Variants in TMEM63C observed in about 807,000 individuals in gnomAD.
TMEM63C encodes osmosensitive cation channel TMEM63C.
In TMEM63C, 32 loss-of-function variants were observed where a neutral mutation model predicts 99.2. The observed-to-expected ratio is 0.32, with a 90% CI of 0.24 to 0.43. The LOEUF is 0.43. Ranked by LOEUF, TMEM63C falls within the 20% of genes least tolerant of loss-of-function variation. TMEM63C has a pLI of 1.00. For missense variants in TMEM63C, 826 were observed against 1,053.0 expected (o/e 0.78, Z 2.98); for synonymous variants, 376 against 397.9 (o/e 0.94, Z 0.66).
At chr14:77,218,239 A>AG (rs112020982) in intron 2 of TMEM63C, among the ~76,000 whole-genome samples, 22,569 of 124,036 alleles carry the variant, frequency 0.18, 2,354 homozygotes, top group African/African-American at 0.3. Flanking sequence ...TTAAAAAAAA[A>AG]AGAGGGGGGT....
intron 1 of TMEM63C, chr14:77,196,027 A>G (rs2140093860): frequency 6.5e-6 from 1 of 153,410 alleles, no homozygotes; most frequent in African/African-American, 2.4e-5. Flanking sequence ...ACTGGGATGC[A>G]TGCCCGCCTG....
chr14:77,218,585 C>G (rs1033643528), intron 2 of TMEM63C, among the ~76,000 whole-genome samples: 1 of 152,218 alleles, frequency 6.6e-6, no homozygotes, highest in African/African-American at 2.4e-5. Context: ...GAAACGAGAA[C>G]CAGTCTGTCA....
intron 8 of TMEM63C, among the ~76,000 whole-genome samples, chr14:77,235,445 GC>G (rs200709965): frequency 0.073 from 2,495 of 34,358 alleles, 657 homozygotes; most frequent in Admixed American, 0.14. Flanking sequence ...CAGGGGGACT[GC>G]AGTGGGTGGG....
At chr14:77,194,403 A>G (rs1888168854) in intron 1 of TMEM63C, among the ~76,000 whole-genome samples, 1 of 150,416 alleles carries the variant, frequency 6.6e-6, no homozygotes, top group Admixed American at 6.6e-5. Flanking sequence ...TTTCTGAAAA[A>G]AATTCTCGAG....
chr14:77,229,244 A>G (rs7141425), intron 6 of TMEM63C, among the ~76,000 whole-genome samples: 124,764 of 151,254 alleles, frequency 0.82, 51,629 homozygotes, highest in African/African-American at 0.9. Flanking sequence ...TCTCTACTAA[A>G]AATACAAAAA....
intron 1 of TMEM63C, among the ~76,000 whole-genome samples, chr14:77,194,325 GAT>G (rs34809041): frequency 0.5 from 62,773 of 126,130 alleles, 15,370 homozygotes; most frequent in East Asian, 0.81. Flanking sequence ...TGCAGGCATA[GAT>G]ATATATATAT....
chr14:77,188,052 C>T (rs1888034025), intron 1 of TMEM63C, among the ~76,000 whole-genome samples: 1 of 152,208 alleles, frequency 6.6e-6, no homozygotes, highest in African/African-American at 2.4e-5. Context: ...TCTGGCAAAT[C>T]AAACGTGCCC....
intron 1 of TMEM63C, among the ~76,000 whole-genome samples, chr14:77,207,307 C>T (rs1397497896): frequency 6.6e-6 from 1 of 152,266 alleles, no homozygotes; most frequent in Non-Finnish European, 1.5e-5. Context: ...GTCCCAACTC[C>T]ATCTGCCACC....
chr14:77,247,856 C>T (rs535276125), intron 18 of TMEM63C, among the ~76,000 whole-genome samples: 5 of 152,344 alleles, frequency 3.3e-5, no homozygotes, highest in Admixed American at 2.0e-4. Flanking sequence ...CTGCTCACCT[C>T]GGCCTCCCAA....
At chr14:77,222,711 G>C (rs9323637) in intron 5 of TMEM63C, among the ~76,000 whole-genome samples, 41,055 of 152,006 alleles carry the variant, frequency 0.27, 7,008 homozygotes, top group East Asian at 0.48. Context: ...TCCCCCTTCC[G>C]CAGTGGCCCT....
intron 15 of TMEM63C, 109 bp downstream of exon 15, chr14:77,243,165 C>A: frequency 7.7e-7 from 1 of 1,303,598 alleles, no homozygotes; most frequent in Non-Finnish European, 1.0e-6. Flanking sequence ...GGAGCCCATA[C>A]AGTGCGAACA....
chr14:77,248,727 G>T (rs774716315), intron 19 of TMEM63C, 40 bp from the exon 20 acceptor site: 2 of 1,591,176 alleles, frequency 1.3e-6, no homozygotes, highest in African/African-American at 2.7e-5. Flanking sequence ...AAGCCAAGGG[G>T]ACTGGGCCAC....
At chr14:77,205,917 C>T (rs1487771737) in intron 1 of TMEM63C, among the ~76,000 whole-genome samples, 3 of 152,304 alleles carry the variant, frequency 2.0e-5, no homozygotes, top group African/African-American at 7.2e-5. Flanking sequence ...GCTACACACC[C>T]ACTCTGGGCC....
Position 77,191,538 on chromosome 14 carries a change from C to CTTTTTTTTTTTTTTT in TMEM63C, c.-77+9653_-77+9667dup, listed in dbSNP as rs71125542. On this transcript the variant is annotated intron_variant, in intron 1 of 23. Coordinates refer to ENST00000298351, the MANE Select transcript of TMEM63C (RefSeq NM_020431.4). ...TTTCTTTCTTTTCTTTTTTCTTTTT[C>CTTTTTTTTTTTTTTT]TTTTTTTTTTTTTTTTTTTTTTTGA... 1.1e-3 allele frequency among the ~76,000 whole-genome samples: 91 copies of CTTTTTTTTTTTTTTT among 82,610 alleles called. 1 individual carries two copies. The highest frequency in any genetic ancestry group is 0.013 in the Middle Eastern group (1 of 78). The allele number at this position is 82,610 out of a possible 152,430, so 54.2% of individuals were successfully genotyped here.
At chr14:77,195,428 C>G (rs1888198634) in intron 1 of TMEM63C, among the ~76,000 whole-genome samples, 1 of 152,182 alleles carries the variant, frequency 6.6e-6, no homozygotes, top group South Asian at 2.1e-4. Context: ...TCTGCCCTTT[C>G]CCAGTGTGTC....
At chr14:77,209,381 G>A (rs1484674519) in intron 1 of TMEM63C, among the ~76,000 whole-genome samples, 1 of 152,196 alleles carries the variant, frequency 6.6e-6, no homozygotes, top group Admixed American at 6.5e-5. Flanking sequence ...GTGCAAATGT[G>A]TACAAACCAC....
intron 2 of TMEM63C, among the ~76,000 whole-genome samples, chr14:77,216,724 A>G (rs1409085700): frequency 6.6e-6 from 1 of 152,130 alleles, no homozygotes; most frequent in African/African-American, 2.4e-5. Context: ...TTGGCTCCAC[A>G]TTCAGAATAT....
intron 5 of TMEM63C, among the ~76,000 whole-genome samples, chr14:77,221,883 C>T (rs1888730427): frequency 6.6e-6 from 1 of 151,898 alleles, no homozygotes. Flanking sequence ...CTCTCCGTTG[C>T]ATAGGTGATG....
At chr14:77,185,310 C>A (rs1887977746) in intron 1 of TMEM63C, among the ~76,000 whole-genome samples, 1 of 152,152 alleles carries the variant, frequency 6.6e-6, no homozygotes, top group Non-Finnish European at 1.5e-5. Flanking sequence ...CCTCTGGTGT[C>A]CTTAGAGGAT....
Sources: allele counts gnomAD v4.1 joint callset (sites outside exome capture counted in the v4.1 genomes callset), GRCh38; gene constraint gnomAD v4.1.1; transcripts MANE v1.5; gene names NCBI Gene and HGNC (gene_info 2026-07-23, HGNC 2026-07-21).